The following ATRNL1 variants were observed in gnomAD, a reference collection of about 807,000 sequenced individuals.
ATRNL1 encodes the protein attractin like 1.
ATRNL1 carries 95 observed loss-of-function variants against 182.7 expected under a neutral mutation model. The observed-to-expected ratio is 0.52, with a 90% confidence interval of 0.44 to 0.62. ATRNL1 has a LOEUF of 0.62. Ranked by LOEUF, ATRNL1 falls within the 20% of genes least tolerant of loss-of-function variation. ATRNL1 has a pLI of 0.00. For missense variants in ATRNL1, 1,471 were observed against 1,679.5 expected (o/e 0.88, Z 2.17); for synonymous variants, 576 against 568.3 (o/e 1.01, Z -0.19).
intron 19 of ATRNL1, among the ~76,000 whole-genome samples, chr10:115,371,854 C>T (rs1371781932): frequency 2.0e-5 from 3 of 152,272 alleles, no homozygotes; most frequent in South Asian, 2.1e-4. Flanking sequence ...CCACCCAAGT[C>T]TCATCTTGAA....
At position 115,847,925 on chromosome 10, in the gene ATRNL1, G is replaced by A. The variant is rs1555099308; in HGVS notation, c.3952G>A (p.Ala1318Thr). The stretch of plus-strand genomic sequence containing the variant: ...TGAACCATGTGCTGGGAACAGAGCT[G>A]CTGTTCTGACTGTGTTTCTTTGTCT... ...AIEPCAGNRA[A>T]VLTVFLCLPR... The change falls in exon 28 of 29, where the codon GCT (alanine) becomes ACT (threonine). Residue 1318 changes from alanine to threonine, a missense_variant. By Grantham distance (58) the Ala-to-Thr change is moderately conservative. This residue lies in a region of ATRNL1 where 437 missense variants were observed against 506.0 expected (regional missense o/e 0.86). Coordinates refer to ENST00000355044, the MANE Select transcript of ATRNL1 (RefSeq NM_207303.4). 2 of 1,612,870 alleles carry A rather than the reference G, an allele frequency of 1.2e-6. No homozygotes were observed. The highest frequency in any genetic ancestry group is 1.7e-5 in the Admixed American group (1 of 59,890).
chr10:115,540,368 G>A (rs1182801591), intron 25 of ATRNL1, among the ~76,000 whole-genome samples: 3 of 151,834 alleles, frequency 2.0e-5, no homozygotes, highest in African/African-American at 7.3e-5. Flanking sequence ...GCCTCCAGAT[G>A]GATAAAACAA....
At chr10:115,386,744 A>G (rs1291382928) in intron 19 of ATRNL1, among the ~76,000 whole-genome samples, 2 of 151,124 alleles carry the variant, frequency 1.3e-5, no homozygotes, top group African/African-American at 2.4e-5. Context: ...TACATGTGCC[A>G]TGCTGGTGTG....
intron 26 of ATRNL1, among the ~76,000 whole-genome samples, chr10:115,698,238 G>A (rs782050791): frequency 5.9e-5 from 9 of 151,692 alleles, no homozygotes; most frequent in Non-Finnish European, 1.3e-4. Context: ...CTAGTTAAAT[G>A]ATATGAAAAC....
chr10:115,151,901 G>A (rs1482676463), intron 5 of ATRNL1, among the ~76,000 whole-genome samples: 32 of 152,160 alleles, frequency 2.1e-4, no homozygotes, highest in African/African-American at 7.2e-4. Flanking sequence ...TAAGGTGTAA[G>A]GAAGGGATCC....
intron 24 of ATRNL1, among the ~76,000 whole-genome samples, chr10:115,486,282 A>G (rs11197240): frequency 0.33 from 49,977 of 151,906 alleles, 10,552 homozygotes; most frequent in Non-Finnish European, 0.47. Context: ...TGCTGGGTCA[A>G]ATAGTATTTC....
At chr10:115,222,809 T>C (rs927105507) in intron 9 of ATRNL1, among the ~76,000 whole-genome samples, 8 of 152,268 alleles carry the variant, frequency 5.3e-5, no homozygotes, top group African/African-American at 1.9e-4. Context: ...ATAAGTGCTA[T>C]TGAAGTAGAA....
At chr10:115,821,592 G>T (rs1295282781) in intron 27 of ATRNL1, among the ~76,000 whole-genome samples, 2 of 152,058 alleles carry the variant, frequency 1.3e-5, no homozygotes, top group Non-Finnish European at 2.9e-5. Flanking sequence ...GATGGAGGAA[G>T]ATTTACCAAG....
chr10:115,120,709 T>C (rs572445752), intron 2 of ATRNL1, among the ~76,000 whole-genome samples: 4 of 152,152 alleles, frequency 2.6e-5, no homozygotes, highest in African/African-American at 9.6e-5. Context: ...CTTGAAACAA[T>C]CTATCTATTT....
intron 28 of ATRNL1, among the ~76,000 whole-genome samples, chr10:115,859,925 G>A (rs1460988091): frequency 6.6e-6 from 1 of 152,158 alleles, no homozygotes; most frequent in African/African-American, 2.4e-5. Context: ...AAAAGTTAAT[G>A]GCCCTCTGAA....
At chr10:115,224,713 G>A (rs1468986116) in intron 9 of ATRNL1, among the ~76,000 whole-genome samples, 21 of 152,044 alleles carry the variant, frequency 1.4e-4, no homozygotes, top group Admixed American at 7.9e-4. Flanking sequence ...CTCTATGACC[G>A]TAAATTTGAA....
chr10:115,426,346 T>TAAAGTC (rs781919517), intron 21 of ATRNL1, 44 bp downstream of exon 21: 2 of 1,392,390 alleles, frequency 1.4e-6, no homozygotes, highest in Non-Finnish European at 1.0e-6. Context: ...TGGTGCATAC[T>TAAAGTC]ATTAGTTTCA....
intron 28 of ATRNL1, among the ~76,000 whole-genome samples, chr10:115,911,571 C>T (rs1555115920): frequency 3.3e-5 from 5 of 152,160 alleles, no homozygotes. Context: ...ACCTCAGCTT[C>T]CCAAAGTGCT....
rs181387168 is a variant in ATRNL1, at chr10:115,596,566, C to G, written c.3795+47030C>G. Among the ~76,000 whole-genome samples, 29 of 152,250 alleles carry G rather than the reference C, an allele frequency of 1.9e-4. No homozygotes were observed. In the East Asian group the frequency reaches 5.2e-3, roughly 27 times the overall value. On this transcript the variant is annotated intron_variant, in intron 26 of 28. Transcript: ENST00000355044. ...GAAAGGAAGATCTTTGTGCTTTTAT[C>G]TTAGCAATTTCACCTGACATCTTAC... is the stretch of plus-strand genomic sequence containing the variant.
intron 25 of ATRNL1, among the ~76,000 whole-genome samples, chr10:115,526,826 G>T (rs570177186): frequency 1.3e-5 from 2 of 152,144 alleles, no homozygotes; most frequent in African/African-American, 4.8e-5. Flanking sequence ...ACCTGCCTTT[G>T]TGAGGGAGAG....
intron 26 of ATRNL1, among the ~76,000 whole-genome samples, chr10:115,615,795 A>C (rs1199950560): frequency 2.0e-5 from 3 of 152,206 alleles, no homozygotes; most frequent in Non-Finnish European, 4.4e-5. Flanking sequence ...AGATGCTGCC[A>C]GTCTTCCTGT....
intron 18 of ATRNL1, among the ~76,000 whole-genome samples, chr10:115,331,957 G>A (rs1855248039): frequency 6.6e-6 from 1 of 152,064 alleles, no homozygotes; most frequent in African/African-American, 2.4e-5. Context: ...CTCTGTGGTG[G>A]GGCATCCTCT....
At chr10:115,625,005 T>C (rs1555024234) in intron 26 of ATRNL1, among the ~76,000 whole-genome samples, 2 of 152,124 alleles carry the variant, frequency 1.3e-5, no homozygotes, top group Non-Finnish European at 2.9e-5. Flanking sequence ...AAAGCAGGTA[T>C]GGCCTTTAAA....
At chr10:115,123,604 T>C (rs1216831174) in intron 3 of ATRNL1, among the ~76,000 whole-genome samples, 1 of 152,118 alleles carries the variant, frequency 6.6e-6, no homozygotes, top group Admixed American at 6.5e-5. Context: ...CTACCTGCAG[T>C]TGGGCTAGAA....
Sources: gnomAD v4.1 joint callset for allele counts (sites outside exome capture counted in the v4.1 genomes callset) on GRCh38, gnomAD v4.1.1 for gene constraint, gnomAD v4.1.1 regional missense constraint, MANE v1.5 for transcripts, NCBI Gene and HGNC (gene_info 2026-07-23, HGNC 2026-07-21) for gene names.